The following ANKRD31 variants were observed in gnomAD, a reference collection of about 807,000 sequenced individuals.
ANKRD31 encodes the protein ankyrin repeat domain 31, also known as ankyrin repeat domain-containing protein 31.
Under a neutral mutation model 186.0 loss-of-function variants are expected in ANKRD31, and 147 were observed. The observed-to-expected ratio is 0.79, with a 90% CI of 0.69 to 0.91. The LOEUF is 0.91. Among genes scored for constraint, ANKRD31 ranks in the 40% least tolerant of loss-of-function variants. ANKRD31 has a pLI of 0.00. For synonymous variants in ANKRD31, 673 were observed against 736.4 expected (o/e 0.91, Z 1.39); for missense variants, 1,986 against 2,148.8 (o/e 0.92, Z 1.50).
intron 16 of ANKRD31, 110 bp downstream of exon 16, chr5:75,138,736 G>A: frequency 9.0e-7 from 1 of 1,117,130 alleles, no homozygotes; most frequent in African/African-American, 1.6e-5. Context: ...ATTGTTCAAA[G>A]TTATCACTTA....
chr5:75,150,593 G>A (rs539940041), intron 12 of ANKRD31, among the ~76,000 whole-genome samples: 19 of 151,936 alleles, frequency 1.3e-4, no homozygotes, highest in Non-Finnish European at 2.7e-4. Context: ...AAGAGTGGGA[G>A]CTTAGTCCTA....
chr5:75,155,261 GGTATGTAT>G (rs145786907), intron 11 of ANKRD31, among the ~76,000 whole-genome samples: 4 of 151,658 alleles, frequency 2.6e-5, no homozygotes, highest in Admixed American at 2.0e-4. Flanking sequence ...TAGTCCAATA[GGTATGTAT>G]GTATGTATAT....
At chr5:75,223,532 T>C (rs1238069608) in intron 2 of ANKRD31, among the ~76,000 whole-genome samples, 1 of 152,124 alleles carries the variant, frequency 6.6e-6, no homozygotes, top group Non-Finnish European at 1.5e-5. Context: ...TCCAAGTTCA[T>C]AGAAAAATAT....
Position 75,169,023 on chromosome 5 carries a change from G to A in ANKRD31, c.1663C>T (p.Gln555Ter). 1 of 1,536,398 alleles carries A rather than the reference G, an allele frequency of 6.5e-7. No individual in the cohort carries two copies. Among genetic ancestry groups the A allele is most frequent in the Non-Finnish European group, 8.7e-7 (1 of 1,146,294 alleles). The change falls in exon 11 of 26, where the codon CAG (glutamine) becomes TAG (stop). Residue 555 changes from glutamine to a stop codon, truncating the protein, a stop_gained. Coordinates refer to ENST00000506364, the MANE Select transcript of ANKRD31 (RefSeq NM_001372053.1). LOFTEE classifies it high-confidence loss of function. ...ACTGCATCATGTAGGGGAGTAATCTGGTATAATCCTTTGATATTTACATCT... is the reference window on the plus strand; with the variant it reads ...ACTGCATCATGTAGGGGAGTAATCTAGTATAATCCTTTGATATTTACATCT... Reference protein sequence around the residue: ...GADVNIKGLYQITPLHDAVMN... With the variant: ...GADVNIKGLY
At chr5:75,228,589 AT>A (rs1342778856) in intron 2 of ANKRD31, among the ~76,000 whole-genome samples, 6 of 152,166 alleles carry the variant, frequency 3.9e-5, no homozygotes, top group Non-Finnish European at 2.9e-5. Context: ...AAAAAAAGAT[AT>A]TTATAGTGGC....
At chr5:75,133,185 G>A (rs1047245949) in intron 17 of ANKRD31, among the ~76,000 whole-genome samples, 1 of 152,134 alleles carries the variant, frequency 6.6e-6, no homozygotes, top group African/African-American at 2.4e-5. Context: ...ATGTAAATGA[G>A]CTAACTGCTC....
At chr5:75,206,215 CCAAAAAAAAAAAA>C (rs1756167181) in intron 5 of ANKRD31, among the ~76,000 whole-genome samples, 183 bp downstream of exon 5, 1 of 30,734 alleles carries the variant, frequency 3.3e-5, no homozygotes. Context: ...CACATCTCTA[CCAAAAAAAAAAAA>C]AAAAAAAAAA....
At chr5:75,100,701 C>A (rs984526067) in intron 22 of ANKRD31, among the ~76,000 whole-genome samples, 5 of 152,178 alleles carry the variant, frequency 3.3e-5, no homozygotes, top group Admixed American at 2.6e-4. Context: ...CTCTTTTGAT[C>A]TTTGTTGGTT....
At chr5:75,182,213 A>T (rs1228406214) in intron 10 of ANKRD31, among the ~76,000 whole-genome samples, 1 of 152,200 alleles carries the variant, frequency 6.6e-6, no homozygotes, top group Non-Finnish European at 1.5e-5. Flanking sequence ...ATTGCTGTTT[A>T]GGTTCTGGAA....
chr5:75,148,592 T>G lies in ANKRD31; in HGVS notation c.1889A>C (p.Asp630Ala), dbSNP rs1751639015. 1 of 1,525,366 alleles carries G rather than the reference T, an allele frequency of 6.6e-7. No homozygotes were observed. Among genetic ancestry groups the G allele is most frequent in the African/African-American group, 1.4e-5 (1 of 72,494 alleles). The allele number at this position is 1,525,366 out of a possible 1,614,324, so 94.5% of individuals were successfully genotyped here. Residue 630 changes from aspartate (D) to alanine (A), a missense_variant, in exon 13 of 26, where the codon GAT becomes GCT. By Grantham distance (126) the Asp-to-Ala change is moderately radical (BLOSUM62 -2). Coordinates refer to ENST00000506364, the MANE Select transcript of ANKRD31 (RefSeq NM_001372053.1). ...TAGATATACCTTGTGTTGGTACACA[T>G]CCTCTATGTCTAGTGGGTCAATGCT... ...RSSIDPLDIEDVYQHKKPKFS... is the reference protein window; with the variant it reads ...RSSIDPLDIEAVYQHKKPKFS...
At chr5:75,117,484 C>T (rs1041528635) in intron 18 of ANKRD31, among the ~76,000 whole-genome samples, 2 of 152,184 alleles carry the variant, frequency 1.3e-5, no homozygotes, top group East Asian at 1.9e-4. Flanking sequence ...CGAATTATAT[C>T]GGTAATTCTT....
Position 75,104,704 on chromosome 5 carries a change from C to G in ANKRD31, c.4855G>C (p.Glu1619Gln), listed in dbSNP as rs1189525418. 1.3e-6 allele frequency: 2 copies of G among 1,536,942 alleles called. No individual in the cohort carries two copies. Among genetic ancestry groups the G allele is most frequent in the African/African-American group, 1.4e-5 (1 of 73,140 alleles). The change falls in exon 22 of 26, where the codon GAG becomes CAG. Residue 1619 changes from glutamate to glutamine, a missense_variant. Glu to Gln is a conservative substitution (Grantham distance 29). Coordinates refer to ENST00000506364, the MANE Select transcript of ANKRD31 (RefSeq NM_001372053.1). ...FIGQTEYSQK[E>Q]NDLTEATDKD... ...TCTGTAGCTTCTGTAAGATCATTCT[C>G]TTTCTGTGAATATTCTGTTTGACCA...
At chr5:75,133,506 T>C (rs1750058732) in intron 17 of ANKRD31, among the ~76,000 whole-genome samples, 2 of 152,156 alleles carry the variant, frequency 1.3e-5, no homozygotes. Context: ...AGCACCCAGA[T>C]TCATAAAGCA....
At chr5:75,103,763 G>A (rs772370890) in intron 22 of ANKRD31, among the ~76,000 whole-genome samples, 3 of 152,098 alleles carry the variant, frequency 2.0e-5, no homozygotes, top group African/African-American at 2.4e-5. Context: ...AAGACCAAAC[G>A]CTGCATGTTC....
At chr5:75,184,059 A>G (rs1343975683) in intron 10 of ANKRD31, among the ~76,000 whole-genome samples, 1 of 152,160 alleles carries the variant, frequency 6.6e-6, no homozygotes, top group Non-Finnish European at 1.5e-5. Flanking sequence ...AGACACACAG[A>G]CCAATATAAC....
chr5:75,183,974 T>G (rs938101064), intron 10 of ANKRD31, among the ~76,000 whole-genome samples: 3 of 152,006 alleles, frequency 2.0e-5, no homozygotes, highest in African/African-American at 7.2e-5. Context: ...CAAAAAATTT[T>G]TAAAAAACAA....
In ANKRD31 at chr5:75,169,068, C is replaced by A. The variant is rs1474046090; in HGVS notation, c.1618G>T (p.Glu540Ter). The change falls in exon 11 of 26, where the codon GAA (glutamate) becomes TAA (stop). Residue 540 changes from glutamate (E) to a stop codon, truncating the protein, a stop_gained. Coordinates refer to ENST00000506364, the MANE Select transcript of ANKRD31 (RefSeq NM_001372053.1). LOFTEE classifies it high-confidence loss of function. Reference protein sequence around the residue: ...SVGGFYRTASELLKGGADVNI... With the variant: ...SVGGFYRTAS ...ACATCTGCTCCACCTTTTAATAGTT[C>A]ACTTGCTGTCCGATAAAATCCTCCT... 2 of 1,536,892 alleles carry A rather than the reference C, an allele frequency of 1.3e-6. No individual in the cohort carries two copies. Among genetic ancestry groups the A allele is most frequent in the South Asian group, 2.4e-5 (2 of 84,018 alleles).
intron 10 of ANKRD31, among the ~76,000 whole-genome samples, chr5:75,175,014 T>C (rs1330081496): frequency 1.3e-5 from 2 of 152,016 alleles, no homozygotes; most frequent in African/African-American, 4.8e-5. Flanking sequence ...ATTAAGAAAA[T>C]GTGGCACATA....
chr5:75,174,974 T>G (rs904228493), intron 10 of ANKRD31, among the ~76,000 whole-genome samples: 1 of 152,158 alleles, frequency 6.6e-6, no homozygotes, highest in African/African-American at 2.4e-5. Context: ...GACTTGGAAC[T>G]AACCCAAATG....
Sources: allele counts gnomAD v4.1 joint callset (sites outside exome capture counted in the v4.1 genomes callset), GRCh38; gene constraint gnomAD v4.1.1; transcripts MANE v1.5; gene names NCBI Gene and HGNC (gene_info 2026-07-23, HGNC 2026-07-21).